Variants in AP2B1 observed in about 807,000 individuals in gnomAD.
AP2B1 encodes AP-2 complex subunit beta.
In AP2B1, 23 loss-of-function variants were observed where a neutral mutation model predicts 102.0. That is an observed-to-expected ratio of 0.23 (90% CI 0.16 to 0.32). The LOEUF is 0.32. AP2B1 is among the 10% of genes least tolerant of loss of function. The pLI is 1.00. For missense variants in AP2B1, 541 were observed against 1,157.4 expected, an observed-to-expected ratio of 0.47 and a Z score of 7.73; for synonymous variants, 381 against 421.2, an observed-to-expected ratio of 0.90 and a Z score of 1.17.
intron 9 of AP2B1, among the ~76,000 whole-genome samples, chr17:35,631,394 A>G (rs986201005): frequency 3.3e-5 from 5 of 152,134 alleles, no homozygotes; most frequent in African/African-American, 4.8e-5. Context: ...AAAATGGGGT[A>G]CCCCGCTTTC....
chr17:35,706,360 T>A (rs987325019), intron 18 of AP2B1, among the ~76,000 whole-genome samples: 11 of 152,236 alleles, frequency 7.2e-5, no homozygotes, highest in African/African-American at 2.2e-4. Flanking sequence ...TAGATAACAA[T>A]GTTCTAAATT....
At chr17:35,592,250 A>T (rs1465826470) in intron 1 of AP2B1, among the ~76,000 whole-genome samples, 2 of 152,186 alleles carry the variant, frequency 1.3e-5, no homozygotes, top group African/African-American at 4.8e-5. Context: ...AGGTGCCAGC[A>T]TGTCTTGTCC....
chr17:35,642,411 C>G (rs1200868911), intron 12 of AP2B1, among the ~76,000 whole-genome samples: 2 of 152,090 alleles, frequency 1.3e-5, no homozygotes, highest in East Asian at 3.8e-4. Flanking sequence ...ATGCTGCTTC[C>G]TTGTATTATT....
chr17:35,643,916 A>T (rs225273), intron 12 of AP2B1, among the ~76,000 whole-genome samples: 75,614 of 151,948 alleles, frequency 0.5, 18,852 homozygotes, highest in East Asian at 0.52. Flanking sequence ...TTTCTTTTCC[A>T]TATTGGTTGT....
chr17:35,622,757 C>T (rs184273453), intron 5 of AP2B1, among the ~76,000 whole-genome samples: 127 of 152,246 alleles, frequency 8.3e-4, no homozygotes, highest in East Asian at 1.2e-3. Flanking sequence ...CTTCACCTCC[C>T]GGGTTCAAGC....
At chr17:35,610,369 A>G (rs1313359124) in intron 5 of AP2B1, among the ~76,000 whole-genome samples, 1 of 151,920 alleles carries the variant, frequency 6.6e-6, no homozygotes, top group African/African-American at 2.4e-5. Flanking sequence ...GCTGGTCTCA[A>G]ACTCTTGACT....
intron 13 of AP2B1, among the ~76,000 whole-genome samples, chr17:35,656,884 C>CAA (rs11400227): frequency 0.022 from 3,032 of 137,772 alleles, 122 homozygotes; most frequent in African/African-American, 0.073. Context: ...GACTCCGTCT[C>CAA]AAAAAAAAAA....
chr17:35,627,577 G>A, intron 8 of AP2B1, 54 bp from the exon 9 acceptor site: 1 of 1,612,914 alleles, frequency 6.2e-7, no homozygotes, highest in Non-Finnish European at 8.5e-7. Context: ...AAGCTAGGCT[G>A]TGAGATTGCT....
At position 35,724,901 on chromosome 17, in the gene AP2B1, C is replaced by T. The variant is rs587722757; in HGVS notation, c.*1202C>T. ...GCAGCTGAATATCTTTTGAATTACT[C>T]GAAGGTAAAGCCAGATGCCAGAATG... On this transcript the variant is annotated 3_prime_UTR_variant, in exon 22 of 22. Transcript: ENST00000610402. 11 of 152,156 alleles carry T rather than the reference C, an allele frequency of 7.2e-5. No individual in the cohort carries two copies. The highest frequency in any genetic ancestry group is 1.7e-4 in the African/African-American group (7 of 41,438). The allele number at this position is 152,156 out of a possible 1,614,324, so 9.4% of individuals were successfully genotyped here.
At position 35,709,245 on chromosome 17, in the gene AP2B1, G is replaced by C; in HGVS notation, c.2476G>C (p.Asp826His). 1 of 1,614,044 alleles carries C rather than the reference G, an allele frequency of 6.2e-7. No homozygotes were observed. Among genetic ancestry groups the C allele is most frequent in the Non-Finnish European group, 8.5e-7 (1 of 1,180,008 alleles). Residue 826 changes from aspartate to histidine, a missense_variant, in exon 19 of 22, where the codon GAT (aspartate) becomes CAT (histidine). Transcript: ENST00000610402. ...GCAGGTGGCTGTGAAAAACAATATC[G>C]ATGTCTTCTACTTCAGCTGCCTCAT... ...NLQVAVKNNI[D>H]VFYFSCLIPL...
At chr17:35,722,357 G>C (rs587618081) in intron 21 of AP2B1, among the ~76,000 whole-genome samples, 120 of 152,244 alleles carry the variant, frequency 7.9e-4, no homozygotes, top group Admixed American at 1.6e-3. Flanking sequence ...ATATTCTTAA[G>C]TTAGTTGTTT....
At chr17:35,591,292 A>G (rs225307) in intron 1 of AP2B1, among the ~76,000 whole-genome samples, 21,413 of 151,858 alleles carry the variant, frequency 0.14, 1,801 homozygotes, top group South Asian at 0.25. Flanking sequence ...CAGATGTTGC[A>G]GTGAGTCCCA....
Position 35,644,042 on chromosome 17 carries a change from C to T in AP2B1, c.1536+2067C>T, listed in dbSNP as rs371676973. Among the ~76,000 whole-genome samples, 8 of 152,326 alleles carry T rather than the reference C, an allele frequency of 5.3e-5. No homozygotes were observed. In the East Asian group the frequency reaches 7.7e-4, roughly 15 times the overall value. On this transcript the variant is annotated intron_variant, in intron 12 of 21. Coordinates refer to ENST00000610402, the MANE Select transcript of AP2B1 (RefSeq NM_001030006.2). ...GCTCTTTAGCCTTAGATGCATTTTTCATAAGCTTCCTAGAACAGGACAGGC... is the reference window on the plus strand; with the variant it reads ...GCTCTTTAGCCTTAGATGCATTTTTTATAAGCTTCCTAGAACAGGACAGGC...
chr17:35,594,650 A>G (rs1379940630), intron 2 of AP2B1, among the ~76,000 whole-genome samples: 2 of 152,230 alleles, frequency 1.3e-5, no homozygotes, highest in East Asian at 3.8e-4. Flanking sequence ...ATCCGTCCAT[A>G]TACATCTACC....
chr17:35,694,411 C>CT (rs11463088), intron 18 of AP2B1, among the ~76,000 whole-genome samples: 475 of 9,210 alleles, frequency 0.052, 2 homozygotes, highest in Non-Finnish European at 0.069. Flanking sequence ...ACCTAGCTGA[C>CT]TTTTTTTTTT....
At chr17:35,658,019 C>T (rs180840239) in intron 14 of AP2B1, among the ~76,000 whole-genome samples, 12 of 152,224 alleles carry the variant, frequency 7.9e-5, no homozygotes, top group Admixed American at 5.9e-4. Flanking sequence ...CATTGTCCTG[C>T]CTCTAAATAG....
At chr17:35,614,288 C>G (rs895981264) in intron 5 of AP2B1, among the ~76,000 whole-genome samples, 1 of 152,134 alleles carries the variant, frequency 6.6e-6, no homozygotes, top group Non-Finnish European at 1.5e-5. Context: ...GCCTCAAACT[C>G]CTGGGCTCAA....
intron 5 of AP2B1, among the ~76,000 whole-genome samples, chr17:35,615,111 A>G (rs1208765492): frequency 6.6e-6 from 1 of 152,188 alleles, no homozygotes; most frequent in Non-Finnish European, 1.5e-5. Context: ...TAATAATGCC[A>G]AGGTTGTGAA....
chr17:35,720,384 G>C (rs2085322252), intron 21 of AP2B1, among the ~76,000 whole-genome samples: 1 of 151,074 alleles, frequency 6.6e-6, no homozygotes, highest in South Asian at 2.1e-4. Context: ...GGGTTGCAGG[G>C]AAGAAAAAGA....
Sources: allele counts gnomAD v4.1 joint callset (sites outside exome capture counted in the v4.1 genomes callset), GRCh38; gene constraint gnomAD v4.1.1; transcripts MANE v1.5; gene names NCBI Gene and HGNC (gene_info 2026-07-23, HGNC 2026-07-21).